MARF1: variants seen among roughly 807,000 people sequenced by gnomAD.
MARF1 encodes the protein meiosis regulator and mRNA stability factor 1, also known as limkain-b1.
In MARF1, 24 loss-of-function variants were observed where a neutral mutation model predicts 168.2. The ratio of observed to expected loss-of-function variants is 0.14; its 90% CI spans 0.10 to 0.20. The LOEUF (loss-of-function observed/expected upper bound fraction) is 0.20, where lower values mean the gene tolerates loss of function less well. Ranked by LOEUF, MARF1 falls within the 10% of genes least tolerant of loss-of-function variation. The pLI is 1.00. For missense variants in MARF1, 1,744 were observed against 2,143.6 expected (o/e 0.81, Z 3.68); for synonymous variants, 868 against 822.4 (o/e 1.06, Z -0.95).
At chr16:15,640,804 T>C (rs2035898435) in intron 1 of MARF1, among the ~76,000 whole-genome samples, 1 of 152,218 alleles carries the variant, frequency 6.6e-6, no homozygotes, top group African/African-American at 2.4e-5. Context: ...ATGACTGCTT[T>C]TGCATTCCAA....
Position 15,643,089 on chromosome 16 carries a change from G to A in MARF1, c.-130C>T, listed in dbSNP as rs1215158872. 2 of 216,918 alleles carry A rather than the reference G, an allele frequency of 9.2e-6. No homozygotes were observed. The highest frequency in any genetic ancestry group is 1.8e-5 in the Non-Finnish European group (2 of 113,446). The allele number at this position is 216,918 out of a possible 1,614,324, so 13.4% of individuals were successfully genotyped here. On this transcript the variant is annotated 5_prime_UTR_variant, in exon 1 of 27. Coordinates refer to ENST00000396368, the MANE Select transcript of MARF1 (RefSeq NM_014647.4). ...TCCCCCCGCCCCCCCCAGGCCCTTT[G>A]TTTTGATTCCCGACTCCGCAGCTCC...
Position 15,601,685 on chromosome 16 carries a change from C to T in MARF1, c.4626+306G>A, listed in dbSNP as rs561636893. The T allele has an allele frequency of 2.1e-5, 10 of 475,036 alleles. No individual in the cohort carries two copies. In the South Asian group the frequency reaches 2.3e-4, roughly 11 times the overall value. 29.4% of individuals were successfully genotyped at this position (475,036 alleles called of 1,614,324 possible). On this transcript the variant is annotated intron_variant, in intron 23 of 26. Transcript: ENST00000396368. The stretch of plus-strand genomic sequence containing the variant: ...CCTGACACGGCCCTCCTCAGCGCGC[C>T]CACTGCCCTGACCGCCCTGACTAGT...
rs199627100 is a variant in MARF1 at position 15,636,278 on chromosome 16, G to A, written c.209C>T (p.Ala70Val). ...ELKDVPSPLH[A>V]GSKLFPAVPL... ...GACTGCTGGAAAAAGCTTAGAGCCAGCATGAAGGGGTGATGGTACATCCTT... is the reference window on the plus strand; with the variant it reads ...GACTGCTGGAAAAAGCTTAGAGCCAACATGAAGGGGTGATGGTACATCCTT... Residue 70 changes from alanine to valine, a missense_variant, in exon 3 of 27, where the codon GCT (alanine) becomes GTT (valine). By Grantham distance (64) the Ala-to-Val change is moderately conservative. Coordinates refer to ENST00000396368, the MANE Select transcript of MARF1 (RefSeq NM_014647.4). 6.1e-5 allele frequency: 99 copies of A among 1,611,956 alleles called. No homozygotes were observed. Among genetic ancestry groups the A allele is most frequent in the Non-Finnish European group, 7.8e-5 (92 of 1,178,838 alleles).
chr16:15,599,529 G>A (rs1017755091), intron 25 of MARF1, among the ~76,000 whole-genome samples: 2 of 152,208 alleles, frequency 1.3e-5, no homozygotes, highest in Admixed American at 6.5e-5. Context: ...ATTCCCAGGA[G>A]GGCGCTTCAT....
intron 22 of MARF1, chr16:15,602,589 CAAAA>C (rs1003262143): frequency 6.2e-5 from 15 of 242,488 alleles, no homozygotes; most frequent in Non-Finnish European, 1.1e-4. Flanking sequence ...ATGAAGATGA[CAAAA>C]AAGACAAAGA....
At chr16:15,613,256 G>A (rs2033732238) in intron 16 of MARF1, among the ~76,000 whole-genome samples, 1 of 152,098 alleles carries the variant, frequency 6.6e-6, no homozygotes, top group African/African-American at 2.4e-5. Flanking sequence ...TGTAAGATTA[G>A]CATGACATAA....
intron 2 of MARF1, among the ~76,000 whole-genome samples, chr16:15,636,765 T>C (rs2035624400): frequency 6.6e-6 from 1 of 152,174 alleles, no homozygotes. Flanking sequence ...AGGACAATAC[T>C]TAATAGTTCT....
At position 15,596,604 on chromosome 16, in the gene MARF1, A is replaced by G. The variant is rs563429695; in HGVS notation, c.*89T>C. On this transcript the variant is annotated 3_prime_UTR_variant, in exon 27 of 27. Transcript: ENST00000396368. Reference sequence around the variant, plus strand: ...TCAATGGCTTCGGGGGGTTTTCATGACACAGAAAAGGATGTATTTTTGAAA... The same window carrying G: ...TCAATGGCTTCGGGGGGTTTTCATGGCACAGAAAAGGATGTATTTTTGAAA... 1 of 1,372,732 alleles carries G rather than the reference A, an allele frequency of 7.3e-7. No homozygotes were observed. The highest frequency in any genetic ancestry group is 2.4e-5 in the East Asian group (1 of 40,982). 85.0% of individuals were successfully genotyped at this position (1,372,732 alleles called of 1,614,324 possible). A position where few individuals can be genotyped will look rare whatever the true frequency, so the allele number is the denominator to read the frequency against.
Position 15,625,002 on chromosome 16 carries a change from G to A in MARF1, c.2111+14C>T. ...ATTCAAGAAGCAGCTATGAGAAAGA[G>A]TAGTTTCACATACTTCTGACTGGTT... On this transcript the variant is annotated intron_variant, in intron 9 of 26. Coordinates refer to ENST00000396368, the MANE Select transcript of MARF1 (RefSeq NM_014647.4). The A allele has an allele frequency of 1.2e-6, 2 of 1,614,032 alleles. No individual in the cohort carries two copies. Among genetic ancestry groups the A allele is most frequent in the Middle Eastern group, 1.6e-4 (1 of 6,062 alleles).
At chr16:15,628,614 G>A (rs1034090982) in intron 7 of MARF1, among the ~76,000 whole-genome samples, 8 of 152,004 alleles carry the variant, frequency 5.3e-5, no homozygotes, top group African/African-American at 1.2e-4. Context: ...TCGCCACATC[G>A]GCCAGGCTGG....
At chr16:15,632,813 T>C (rs2035335687) in intron 5 of MARF1, among the ~76,000 whole-genome samples, 1 of 152,182 alleles carries the variant, frequency 6.6e-6, no homozygotes, top group South Asian at 2.1e-4. Flanking sequence ...TAGTTTCAGC[T>C]TAAAAGCAGA....
At position 15,621,834 on chromosome 16, in the gene MARF1, C is replaced by A. The variant is rs772208891; in HGVS notation, c.2538G>T (p.Ala846=). 1 of 1,613,958 alleles carries A rather than the reference C, an allele frequency of 6.2e-7. No individual in the cohort carries two copies. Among genetic ancestry groups the A allele is most frequent in the Non-Finnish European group, 8.5e-7 (1 of 1,180,000 alleles). ...TGTGGAGGCTATTCACTGCACCGAT[C>A]GCATCTTGTAAGTTTTCCATTTGCA... The part of the protein sequence containing the change: ...AVVQMENLQD[A]IGAVNSLHRY... Residue 846 remains alanine (A), a synonymous_variant, in exon 12 of 27, where the codon GCG becomes GCT. Transcript: ENST00000396368.
At chr16:15,608,731 G>C in intron 20 of MARF1, 1 of 564,622 alleles carries the variant, frequency 1.8e-6, no homozygotes, top group Non-Finnish European at 3.1e-6. Context: ...TATAAAGATA[G>C]TTACGAAGGT....
Position 15,625,393 on chromosome 16 carries a change from A to T in MARF1, c.1932T>A (p.Asn644Lys). 6.2e-7 allele frequency: 1 copy of T among 1,603,768 alleles called. No individual in the cohort carries two copies. ...SQANSGSATK[N>K]TNVKSLQELC... is the part of the protein sequence containing the mutation. ...TTACCTGTAAACTTTTAACATTTGTATTTTTTGTAGCAGATCCAGAATTTG... is the reference window on the plus strand; with the variant it reads ...TTACCTGTAAACTTTTAACATTTGTTTTTTTTGTAGCAGATCCAGAATTTG... Residue 644 changes from asparagine (N) to lysine (K), a missense_variant, in exon 8 of 27, where the codon AAT (asparagine) becomes AAA (lysine). By Grantham distance (94) the Asn-to-Lys change is moderately conservative. Around this residue, in one of 7 missense-constraint regions of MARF1, gnomAD observed 270 missense variants for 260.6 expected, o/e 1.04. Transcript: ENST00000396368.
intron 22 of MARF1, among the ~76,000 whole-genome samples, chr16:15,603,468 C>T (rs1361724473): frequency 5.9e-5 from 9 of 152,086 alleles, no homozygotes; most frequent in Middle Eastern, 6.8e-3. Flanking sequence ...ACCACCTTGC[C>T]GGGCCCCAGA....
chr16:15,621,022 G>GT (rs1555526111), intron 12 of MARF1, among the ~76,000 whole-genome samples: 6 of 151,810 alleles, frequency 4.0e-5, no homozygotes, highest in African/African-American at 9.7e-5. Flanking sequence ...CCTGTGGATG[G>GT]TTTTTTTTCC....
In MARF1 at chr16:15,643,074, C is replaced by A. The variant is rs928204299; in HGVS notation, c.-115G>T. The stretch of plus-strand genomic sequence containing the variant: ...CCGGCCCCGCCGCCTTCCCCCCGCC[C>A]CCCCCAGGCCCTTTGTTTTGATTCC... On this transcript the variant is annotated 5_prime_UTR_variant, in exon 1 of 27. Transcript: ENST00000396368. 3.6e-6 allele frequency: 1 copy of A among 278,448 alleles called. No homozygotes were observed. The highest frequency in any genetic ancestry group is 2.4e-5 in the African/African-American group (1 of 41,966). 17.2% of individuals were successfully genotyped at this position (278,448 alleles called of 1,614,324 possible). A position where few individuals can be genotyped will look rare whatever the true frequency, so the allele number is the denominator to read the frequency against.
chr16:15,608,809 A>T, intron 20 of MARF1: 1 of 423,232 alleles, frequency 2.4e-6, no homozygotes, highest in South Asian at 4.4e-5. Context: ...TAGTAAAAAA[A>T]GAAAATAAAA....
At chr16:15,626,963 A>G (rs1469109719) in intron 7 of MARF1, among the ~76,000 whole-genome samples, 2 of 149,078 alleles carry the variant, frequency 1.3e-5, no homozygotes, top group Non-Finnish European at 3.0e-5. Context: ...GATTCTGTGA[A>G]AAAAAAAAAA....
Sources: gnomAD v4.1 joint callset for allele counts (sites outside exome capture counted in the v4.1 genomes callset) on GRCh38, gnomAD v4.1.1 for gene constraint, gnomAD v4.1.1 regional missense constraint, MANE v1.5 for transcripts, NCBI Gene and HGNC (gene_info 2026-07-23, HGNC 2026-07-21) for gene names.